Variants in TOGARAM2 observed in about 807,000 individuals in gnomAD.
TOGARAM2 encodes the protein TOG array regulator of axonemal microtubules protein 2.
In TOGARAM2, 85 loss-of-function variants were observed where a neutral mutation model predicts 93.3. The observed-to-expected ratio is 0.91, with a 90% CI of 0.76 to 1.09. The LOEUF is 1.09. Ranked by LOEUF, TOGARAM2 falls within the 50% of genes least tolerant of loss-of-function variation. The pLI is 0.00. For synonymous variants in TOGARAM2, 593 were observed against 552.8 expected, an observed-to-expected ratio of 1.07 and a Z score of -1.02; for missense variants, 1,277 against 1,334.5, an observed-to-expected ratio of 0.96 and a Z score of 0.67.
upstream of TOGARAM2, among the ~76,000 whole-genome samples, chr2:28,978,749 T>C (rs1458443925): frequency 2.6e-5 from 4 of 152,090 alleles, no homozygotes; most frequent in Non-Finnish European, 2.9e-5. Flanking sequence ...CAAGTATTTG[T>C]TCATCGGTTC....
upstream of TOGARAM2, among the ~76,000 whole-genome samples, chr2:28,977,044 G>A (rs1439742197): frequency 6.6e-6 from 1 of 152,132 alleles, no homozygotes; most frequent in Non-Finnish European, 1.5e-5. Flanking sequence ...GAAGGGATGG[G>A]GGGCTTCCAG....
intron 7 of TOGARAM2, among the ~76,000 whole-genome samples, chr2:29,012,028 T>C (rs1250773339): frequency 1.3e-5 from 2 of 152,174 alleles, no homozygotes; most frequent in African/African-American, 2.4e-5. Flanking sequence ...CCAGGAGCTT[T>C]AGCTGTCAGG....
intron 1 of TOGARAM2, among the ~76,000 whole-genome samples, chr2:28,958,609 C>A (rs1671758262): frequency 6.6e-6 from 1 of 152,112 alleles, no homozygotes; most frequent in South Asian, 2.1e-4. Context: ...GCTGACATTC[C>A]ATTTTTGGAT....
upstream of TOGARAM2, among the ~76,000 whole-genome samples, chr2:28,976,703 G>A (rs1390968880): frequency 6.6e-6 from 1 of 152,236 alleles, no homozygotes; most frequent in Non-Finnish European, 1.5e-5. Context: ...TCCATCATCT[G>A]CGATAAGAGG....
At chr2:28,969,036 G>A (rs1671909216) in intron 1 of TOGARAM2, among the ~76,000 whole-genome samples, 1 of 152,092 alleles carries the variant, frequency 6.6e-6, no homozygotes, top group South Asian at 2.1e-4. Context: ...ATCAGCATGA[G>A]AGGAAGACAG....
intron 16 of TOGARAM2, 95 bp downstream of exon 16, chr2:29,033,658 T>C: frequency 8.7e-7 from 1 of 1,154,234 alleles, no homozygotes; most frequent in Non-Finnish European, 1.3e-6. Flanking sequence ...GGGGTGGACA[T>C]ATGGATCTGG....
chr2:29,023,309 T>A, intron 12 of TOGARAM2, 118 bp downstream of exon 12: 1 of 801,476 alleles, frequency 1.2e-6, no homozygotes, highest in Non-Finnish European at 2.0e-6. Flanking sequence ...TGCTTATTTC[T>A]CAGCCTTCAG....
chr2:29,027,839 C>T (rs1665503507), intron 14 of TOGARAM2, among the ~76,000 whole-genome samples: 3 of 151,552 alleles, frequency 2.0e-5, no homozygotes, highest in Admixed American at 2.0e-4. Context: ...TCACAGAGGC[C>T]ACTGGATGGG....
rs566194119 is a variant in TOGARAM2, at chr2:28,971,804, ATAT to A, written c.-147+15112_-147+15114del. On this transcript the variant is annotated intron_variant, in intron 1 of 6. Transcript: ENST00000401723. ...TTTCTTGATGGTTCTAAGGAGTAAA[ATAT>A]TATTTGAATCGAATGATAAATTTGT... 2.0e-5 allele frequency among the ~76,000 whole-genome samples: 3 copies of A among 152,290 alleles called. No homozygotes were observed. In the South Asian group the frequency reaches 6.2e-4, roughly 32 times the overall value.
intron 18 of TOGARAM2, among the ~76,000 whole-genome samples, chr2:29,038,117 T>G (rs764647573): frequency 6.6e-6 from 1 of 152,178 alleles, no homozygotes; most frequent in South Asian, 2.1e-4. Context: ...AGGTCCCTCT[T>G]ATTTGGGGCC....
chr2:28,963,542 CTT>C (rs1671825696), intron 1 of TOGARAM2, among the ~76,000 whole-genome samples: 1 of 152,162 alleles, frequency 6.6e-6, no homozygotes. Context: ...ACCTGGCTAA[CTT>C]TTAATGTTTT....
intron 6 of TOGARAM2, among the ~76,000 whole-genome samples, chr2:29,008,518 A>G (rs142636293): frequency 0.075 from 11,417 of 152,156 alleles, 507 homozygotes; most frequent in African/African-American, 0.12. Context: ...GTGCAGTGGC[A>G]CGATCTCTGC....
intron 10 of TOGARAM2, chr2:29,018,220 T>C (rs1664714744): frequency 6.4e-6 from 3 of 467,154 alleles, no homozygotes; most frequent in Admixed American, 3.9e-5. Flanking sequence ...TCCGGAGGAG[T>C]GACCAGTGCA....
chr2:28,995,206 G>A (rs1427689875), intron 2 of TOGARAM2, among the ~76,000 whole-genome samples: 1 of 152,238 alleles, frequency 6.6e-6, no homozygotes, highest in Non-Finnish European at 1.5e-5. Context: ...GGGCCCTCAG[G>A]GAGGGTGAAC....
In TOGARAM2 at chr2:28,998,205, CG is replaced by C; in HGVS notation, c.94del (p.Val32CysfsTer26). 6 of 1,612,128 alleles carry C rather than the reference CG, an allele frequency of 3.7e-6. No individual in the cohort carries two copies. Among genetic ancestry groups the C allele is most frequent in the Non-Finnish European group, 5.1e-6 (6 of 1,179,254 alleles). ...CATCCCTCGGACCAGTGCTGGGCCC[CG>C]GGTGCTCCCGCCTGGAAGCATCAAC... ...GSIPRTSAGP[R>X]VLPPGSINSS... is the part of the protein sequence containing the mutation. On this transcript the variant is annotated frameshift_variant, in exon 3 of 20. Transcript: ENST00000379558. LOFTEE classifies it high-confidence loss of function.
At chr2:29,005,308 G>GT (rs1238282925) in intron 6 of TOGARAM2, among the ~76,000 whole-genome samples, 2 of 66,130 alleles carry the variant, frequency 3.0e-5, no homozygotes, top group African/African-American at 8.1e-5. Flanking sequence ...GTGTGTGTGT[G>GT]GGGTATGTGT....
chr2:29,024,094 T>A (rs1486062207), intron 12 of TOGARAM2, 45 bp from the exon 13 acceptor site: 15 of 1,510,844 alleles, frequency 9.9e-6, no homozygotes, highest in Middle Eastern at 1.7e-4. Context: ...CCCAGAGCCC[T>A]TGGCAGGGTC....
chr2:29,005,797 T>C (rs1001197169), intron 6 of TOGARAM2, among the ~76,000 whole-genome samples: 1 of 150,328 alleles, frequency 6.7e-6, no homozygotes. Flanking sequence ...TGTGCATGTG[T>C]ATGAGTGCAT....
chr2:28,959,403 A>G (rs1671769841), intron 1 of TOGARAM2, among the ~76,000 whole-genome samples: 1 of 152,196 alleles, frequency 6.6e-6, no homozygotes, highest in Non-Finnish European at 1.5e-5. Context: ...GGAGAAGAAT[A>G]TGGTTTTTCA....
Sources: allele counts gnomAD v4.1 joint callset (sites outside exome capture counted in the v4.1 genomes callset), GRCh38; gene constraint gnomAD v4.1.1; transcripts MANE v1.5; gene names NCBI Gene and HGNC (gene_info 2026-07-23, HGNC 2026-07-21).